The following ACACA variants were observed in gnomAD, a reference collection of about 807,000 sequenced individuals.
ACACA encodes the protein acetyl-CoA carboxylase 1.
Under a neutral mutation model 296.1 loss-of-function variants are expected in ACACA, and 103 were observed. That is an observed-to-expected ratio of 0.35 (90% CI 0.30 to 0.41). ACACA has a LOEUF of 0.41. Among genes scored for constraint, ACACA ranks in the 10% least tolerant of loss-of-function variants. ACACA has a pLI of 1.00. For missense variants in ACACA, 1,554 were observed against 2,989.7 expected, an observed-to-expected ratio of 0.52 and a Z score of 11.20; for synonymous variants, 953 against 1,038.6, an observed-to-expected ratio of 0.92 and a Z score of 1.58.
Position 37,097,144 on chromosome 17 carries a change from G to T in ACACA, c.6743C>A (p.Ser2248Tyr). 1 of 1,613,848 alleles carries T rather than the reference G, an allele frequency of 6.2e-7. No homozygotes were observed. The highest frequency in any genetic ancestry group is 8.5e-7 in the Non-Finnish European group (1 of 1,180,026). Reference protein sequence around the residue: ...VISDILDWKTSRTFFYWRLRR... With the variant: ...VISDILDWKTYRTFFYWRLRR... ...CAGCCGCCAGTAGAAGAAGGTACGG[G>T]ATGTTTTCCAATCCAGGATATCCTA... is the stretch of plus-strand genomic sequence containing the variant. Residue 2248 changes from serine (S) to tyrosine (Y), a missense_variant, in exon 54 of 56, where the codon TCC (serine) becomes TAC (tyrosine). Ser to Tyr is a moderately radical substitution (Grantham distance 144). This residue lies in a region of ACACA where 553 missense variants were observed against 1,043.6 expected (regional missense o/e 0.53). Transcript: ENST00000616317. The surrounding 1 kb of genome is among the most constrained non-coding windows in gnomAD (Gnocchi z 4.8).
At chr17:37,297,009 G>T (rs1221194831) in intron 3 of ACACA, among the ~76,000 whole-genome samples, 1 of 151,706 alleles carries the variant, frequency 6.6e-6, no homozygotes, top group Non-Finnish European at 1.5e-5. Context: ...GAGCCACCGT[G>T]CCCAGCCTCA....
rs778169675 is a variant in ACACA, at chr17:37,188,253, G to A, written c.4776+24C>T. The A allele has an allele frequency of 2.2e-5, 36 of 1,609,182 alleles. No individual in the cohort carries two copies. The Middle Eastern group carries it at 5.2e-4, about 23-fold the overall frequency. ...ATCTGTAGGACCAAATCAAAACTCT[G>A]AGGAGCCTGTTTGAGTATTGTACCT... is the stretch of plus-strand genomic sequence containing the variant. On this transcript the variant is annotated intron_variant, in intron 39 of 55. Coordinates refer to ENST00000616317, the MANE Select transcript of ACACA (RefSeq NM_198834.3).
chr17:37,263,979 AAGC>A, intron 10 of ACACA, 85 bp from the exon 11 acceptor site: 1 of 1,102,818 alleles, frequency 9.1e-7, no homozygotes, highest in African/African-American at 1.6e-5. Context: ...TGATTTCAAC[AAGC>A]AGATGTCCAG....
Position 37,223,509 on chromosome 17 carries a change from T to C in ACACA, c.3564+3A>G, listed in dbSNP as rs1160247848. The C allele has an allele frequency of 3.1e-6, 5 of 1,595,200 alleles. No individual in the cohort carries two copies. The highest frequency in any genetic ancestry group is 4.3e-6 in the Non-Finnish European group (5 of 1,162,946). On this transcript the variant is annotated splice_donor_region_variant and intron_variant, in intron 28 of 55. Coordinates refer to ENST00000616317, the MANE Select transcript of ACACA (RefSeq NM_198834.3). The stretch of plus-strand genomic sequence containing the variant: ...GTCATGTCCCATTACCATAAATACT[T>C]ACCTCCAGAGCTGCCATCCTCACTA...
intron 3 of ACACA, among the ~76,000 whole-genome samples, chr17:37,329,896 G>A (rs914406696): frequency 1.3e-5 from 2 of 152,004 alleles, no homozygotes; most frequent in East Asian, 1.9e-4. Context: ...AGCTGAGACC[G>A]CACCACTGCA....
intron 15 of ACACA, among the ~76,000 whole-genome samples, chr17:37,252,614 G>T (rs1334525997): frequency 2.0e-5 from 3 of 152,126 alleles, no homozygotes; most frequent in African/African-American, 7.2e-5. Context: ...TATGGACCAG[G>T]TTTAACATTA....
At chr17:37,203,636 A>T (rs2078372298) in intron 33 of ACACA, among the ~76,000 whole-genome samples, 1 of 152,014 alleles carries the variant, frequency 6.6e-6, no homozygotes, top group East Asian at 1.9e-4. Context: ...CCAGCTACTC[A>T]GGAGTCTGAG....
rs1484608149 is a variant in ACACA, at chr17:37,143,679, C to T, written c.5679+6185G>A. 6 of 894,994 alleles carry T rather than the reference C, an allele frequency of 6.7e-6. No homozygotes were observed. The East Asian group carries it at 9.8e-5, about 15-fold the overall frequency. 55.4% of individuals were successfully genotyped at this position (894,994 alleles called of 1,614,324 possible). A position where few individuals can be genotyped will look rare whatever the true frequency, so the allele number is the denominator to read the frequency against. On this transcript the variant is annotated intron_variant, in intron 45 of 55. Coordinates refer to ENST00000616317, the MANE Select transcript of ACACA (RefSeq NM_198834.3). ...AGAAAAAAATCTGTGCTAGAACCAA[C>T]TTATTCATCATCATCATCTTCTTCA...
intron 27 of ACACA, among the ~76,000 whole-genome samples, chr17:37,224,281 G>T (rs995298469): frequency 6.6e-6 from 1 of 152,064 alleles, no homozygotes; most frequent in African/African-American, 2.4e-5. Context: ...TGAAACCCTA[G>T]ATTTCAGCTA....
intron 48 of ACACA, 40 bp downstream of exon 48, chr17:37,125,658 T>A: frequency 2.0e-6 from 3 of 1,496,786 alleles, no homozygotes. Flanking sequence ...TTATTTTTAG[T>A]TGGGAGGAAA....
chr17:37,107,039 G>C (rs1349943492), intron 52 of ACACA, among the ~76,000 whole-genome samples: 1 of 152,136 alleles, frequency 6.6e-6, no homozygotes, highest in Non-Finnish European at 1.5e-5. Flanking sequence ...TAACAAAAGA[G>C]AGGAGGCAAG....
intron 9 of ACACA, among the ~76,000 whole-genome samples, chr17:37,273,428 G>C (rs1223572484): frequency 6.6e-6 from 1 of 152,220 alleles, no homozygotes; most frequent in Admixed American, 6.5e-5. Context: ...ATAATTAAGA[G>C]TAACACTTTC....
At chr17:37,362,660 A>G (rs12942424) in intron 1 of ACACA, among the ~76,000 whole-genome samples, 57,053 of 152,040 alleles carry the variant, frequency 0.38, 14,436 homozygotes, top group African/African-American at 0.71. Flanking sequence ...ATGTCCCACT[A>G]ACCACCTGAT....
chr17:37,347,858 G>T (rs1308547087), intron 1 of ACACA, among the ~76,000 whole-genome samples: 3 of 151,108 alleles, frequency 2.0e-5, no homozygotes, highest in Non-Finnish European at 4.4e-5. Context: ...TTAAAGAAAA[G>T]CTTTCACAAA....
intron 52 of ACACA, 125 bp downstream of exon 52, chr17:37,111,406 C>T: frequency 1.3e-6 from 1 of 771,966 alleles, no homozygotes; most frequent in South Asian, 1.4e-5. Flanking sequence ...ATATAGAGGA[C>T]AGTAAATAAA....
Position 37,258,333 on chromosome 17 carries a change from C to T in ACACA, c.1541G>A (p.Arg514His), listed in dbSNP as rs777573389. Residue 514 changes from arginine (R) to histidine (H), a missense_variant, in exon 13 of 56, where the codon CGT becomes CAT. This residue lies in a region of ACACA where 37 missense variants were observed against 49.9 expected (regional missense o/e 0.74). Transcript: ENST00000616317. ...GIPLYRIKDIRMMYGVSPWGD... is the reference protein window; with the variant it reads ...GIPLYRIKDIHMMYGVSPWGD... ...CCAGGGAGATACCCCATACATCATA[C>T]GGATATCCTTGATTCTATATAGAGG... The T allele has an allele frequency of 6.2e-7, 1 of 1,614,014 alleles. No individual in the cohort carries two copies. Among genetic ancestry groups the T allele is most frequent in the Admixed American group, 1.7e-5 (1 of 60,006 alleles).
intron 28 of ACACA, among the ~76,000 whole-genome samples, chr17:37,222,687 G>A (rs1405364186): frequency 1.3e-5 from 2 of 152,100 alleles, no homozygotes; most frequent in African/African-American, 4.8e-5. Flanking sequence ...TACTGAGTAG[G>A]ATAATTTACA....
chr17:37,287,853 T>C (rs964491845), intron 3 of ACACA, among the ~76,000 whole-genome samples: 6 of 152,212 alleles, frequency 3.9e-5, no homozygotes, highest in African/African-American at 1.4e-4. Context: ...CACTCTGCTG[T>C]TGGCACTCAA....
At chr17:37,405,238 GATTT>G (rs1399760089) in intron 1 of ACACA, among the ~76,000 whole-genome samples, 1 of 152,066 alleles carries the variant, frequency 6.6e-6, no homozygotes, top group Non-Finnish European at 1.5e-5. Context: ...CTTTTATCCT[GATTT>G]ATTTTTCCAT....
Sources: allele counts gnomAD v4.1 joint callset (sites outside exome capture counted in the v4.1 genomes callset), GRCh38; gene constraint gnomAD v4.1.1; regional missense constraint gnomAD v4.1.1; non-coding constraint Gnocchi (gnomAD v3.1); transcripts MANE v1.5; gene names NCBI Gene and HGNC (gene_info 2026-07-23, HGNC 2026-07-21).